The following STN1 variants were observed in gnomAD, a reference collection of about 807,000 sequenced individuals.
The protein encoded by STN1 is STN1 subunit of CST complex, also known as CST complex subunit STN1.
A neutral mutation model predicts 45.5 loss-of-function variants in STN1; 29 were observed. That is an observed-to-expected ratio of 0.64 (90% CI 0.47 to 0.87). The LOEUF (loss-of-function observed/expected upper bound fraction) is 0.87, where lower values mean the gene tolerates loss of function less well. Among genes scored for constraint, STN1 ranks in the 40% least tolerant of loss-of-function variants. The pLI, the probability that STN1 is intolerant of heterozygous loss-of-function variation, is 0.00. For missense variants in STN1, 376 were observed against 441.4 expected, an observed-to-expected ratio of 0.85 and a Z score of 1.33; for synonymous variants, 148 against 159.0, an observed-to-expected ratio of 0.93 and a Z score of 0.52.
At chr10:103,882,874 C>T (rs770642493) in intron 9 of STN1, 33 bp from the exon 10 acceptor site, 1 of 1,590,656 alleles carries the variant, frequency 6.3e-7, no homozygotes, top group Non-Finnish European at 8.6e-7. Context: ...TGAGTGTGGA[C>T]ACAACTGTCA....
chr10:103,917,558 G>T lies in STN1; in HGVS notation c.37C>A (p.Pro13Thr). The T allele has an allele frequency of 6.2e-7, 1 of 1,613,994 alleles. No individual in the cohort carries two copies. The highest frequency in any genetic ancestry group is 8.5e-7 in the Non-Finnish European group (1 of 1,179,864). Residue 13 changes from proline (P) to threonine (T), a missense_variant, in exon 2 of 10, where the codon CCT becomes ACT. Coordinates refer to ENST00000224950, the MANE Select transcript of STN1 (RefSeq NM_024928.5). ...GGATCCAAACCCCACAAGAGGGAAG[G>T]GGTCTCCTCTTCACACCGGCTGGAT... ...PGSSRCEEETPSLLWGLDPVF... is the reference protein window; with the variant it reads ...PGSSRCEEETTSLLWGLDPVF...
At chr10:103,910,427 C>A in intron 3 of STN1, 100 bp downstream of exon 3, 1 of 715,734 alleles carries the variant, frequency 1.4e-6, no homozygotes, top group Non-Finnish European at 2.5e-6. Context: ...TAGTGAGGGT[C>A]CCCAGCTACT....
At position 103,889,269 on chromosome 10, in the gene STN1, C is replaced by A. The variant is rs1843123244; in HGVS notation, c.877-125G>T. Reference sequence around the variant, plus strand: ...TTACATAATAATCATCTTCCCTACACCATTAATGTGGTGTTTGATACTTGG... The same window carrying A: ...TTACATAATAATCATCTTCCCTACAACATTAATGTGGTGTTTGATACTTGG... On this transcript the variant is annotated intron_variant, in intron 8 of 9. Coordinates refer to ENST00000224950, the MANE Select transcript of STN1 (RefSeq NM_024928.5). 3 of 640,560 alleles carry A rather than the reference C, an allele frequency of 4.7e-6. No homozygotes were observed. In the East Asian group the frequency reaches 8.7e-5, roughly 19 times the overall value. The allele number at this position is 640,560 out of a possible 1,614,324, so 39.7% of individuals were successfully genotyped here.
chr10:103,903,876 C>T (rs1226695959), intron 4 of STN1, among the ~76,000 whole-genome samples: 1 of 152,070 alleles, frequency 6.6e-6, no homozygotes, highest in African/African-American at 2.4e-5. Flanking sequence ...ACGTTGTCTC[C>T]CTTAAATCTA....
In STN1 at chr10:103,882,006, T is replaced by C. The variant is rs1843072280; in HGVS notation, c.*678A>G. ...GTATTTAGTCATGCACCTCTGTAAG[T>C]GCAGGGAAATGTACTGGGACACCTT... On this transcript the variant is annotated 3_prime_UTR_variant, in exon 10 of 10. Coordinates refer to ENST00000224950, the MANE Select transcript of STN1 (RefSeq NM_024928.5). Among the ~76,000 whole-genome samples, 1 of 152,158 alleles carries C rather than the reference T, an allele frequency of 6.6e-6. No individual in the cohort carries two copies. Among genetic ancestry groups the C allele is most frequent in the African/African-American group, 2.4e-5 (1 of 41,434 alleles).
chr10:103,900,042 T>G lies in STN1; in HGVS notation c.457+20A>C. 6 of 1,607,944 alleles carry G rather than the reference T, an allele frequency of 3.7e-6. No individual in the cohort carries two copies. Among genetic ancestry groups the G allele is most frequent in the Non-Finnish European group, 5.1e-6 (6 of 1,175,920 alleles). The stretch of plus-strand genomic sequence containing the variant: ...ACATCCAGAAAAACCACCAATTTGG[T>G]AGAAATATCTTGTGCTTACAGTAAG... On this transcript the variant is annotated intron_variant, in intron 5 of 9. Transcript: ENST00000224950.
chr10:103,880,196 G>C lies in STN1; in HGVS notation c.*2488C>G, dbSNP rs138119301. Among the ~76,000 whole-genome samples the C allele has an allele frequency of 0.019, 2,826 of 152,314 alleles. 71 individuals carry two copies. Among genetic ancestry groups the C allele is most frequent in the African/African-American group, 0.065 (2,694 of 41,558 alleles). ...ACAGTTTTCAACAGAGAGGAGACGT[G>C]GGGGTGGTCCCCCTACCCAAAGGCA... On this transcript the variant is annotated 3_prime_UTR_variant, in exon 10 of 10. Coordinates refer to ENST00000224950, the MANE Select transcript of STN1 (RefSeq NM_024928.5).
chr10:103,914,354 A>ATTTTTT, intron 2 of STN1, among the ~76,000 whole-genome samples: 1 of 19,842 alleles, frequency 5.0e-5, no homozygotes, highest in Non-Finnish European at 1.2e-4. Flanking sequence ...ATATATATAT[A>ATTTTTT]TATATATATA....
rs1564636927 is a variant in STN1, at chr10:103,918,179, GA to G, written c.-143del. On this transcript the variant is annotated 5_prime_UTR_variant, in exon 1 of 10. Transcript: ENST00000224950. The stretch of plus-strand genomic sequence containing the variant: ...GGCGCTCGGAGCCGCTGGCGGCGAC[GA>G]CCCCGCCCGGCGCAGGAGCAGTTGG... The G allele has an allele frequency of 6.6e-6, 1 of 152,448 alleles. No homozygotes were observed. 9.4% of individuals were successfully genotyped at this position (152,448 alleles called of 1,614,324 possible).
chr10:103,904,433 T>C (rs567999646), intron 4 of STN1, among the ~76,000 whole-genome samples: 36 of 150,866 alleles, frequency 2.4e-4, no homozygotes, highest in African/African-American at 8.5e-4. Flanking sequence ...CCTGGAAACA[T>C]AGTGAGAACC....
rs1368778508 is a variant in STN1 at position 103,881,036 on chromosome 10, T to G, written c.*1648A>C. Reference sequence around the variant, plus strand: ...ATCTATAACTCTATCTACTTCCCACTAAATCTACTAGGGACAGTGTGCCAT... The same window carrying G: ...ATCTATAACTCTATCTACTTCCCACGAAATCTACTAGGGACAGTGTGCCAT... On this transcript the variant is annotated 3_prime_UTR_variant, in exon 10 of 10. Transcript: ENST00000224950. 6.6e-6 allele frequency among the ~76,000 whole-genome samples: 1 copy of G among 152,214 alleles called. No homozygotes were observed. Among genetic ancestry groups the G allele is most frequent in the East Asian group, 1.9e-4 (1 of 5,204 alleles).
In STN1 at chr10:103,878,610, A is replaced by G. The variant is rs949784727; in HGVS notation, c.*4074T>C. ...AGAATGTACTGACAGTGGAAGAGTG[A>G]GCACTTGCTAATTATAAAAATGCCA... On this transcript the variant is annotated 3_prime_UTR_variant, in exon 10 of 10. Coordinates refer to ENST00000224950, the MANE Select transcript of STN1 (RefSeq NM_024928.5). The G allele has an allele frequency of 6.6e-6, 1 of 152,224 alleles. No homozygotes were observed. The highest frequency in any genetic ancestry group is 2.4e-5 in the African/African-American group (1 of 41,458). 9.4% of individuals were successfully genotyped at this position (152,224 alleles called of 1,614,324 possible).
intron 2 of STN1, 62 bp downstream of exon 2, chr10:103,917,400 T>C (rs1326861741): frequency 1.3e-6 from 2 of 1,545,580 alleles, no homozygotes; most frequent in African/African-American, 2.7e-5. Context: ...CCCAGCTTTC[T>C]GAGACTTTGG....
intron 8 of STN1, among the ~76,000 whole-genome samples, 191 bp from the exon 9 acceptor site, chr10:103,889,335 G>A (rs1156286777): frequency 4.6e-5 from 7 of 152,112 alleles, no homozygotes; most frequent in Admixed American, 4.6e-4. Context: ...CACGTCCTTG[G>A]GAGTTGGTTC....
At position 103,916,256 on chromosome 10, in the gene STN1, CCT is replaced by C. The variant is rs576084071; in HGVS notation, c.133+1204_133+1205del. Among the ~76,000 whole-genome samples the C allele has an allele frequency of 8.5e-5, 13 of 152,264 alleles. No homozygotes were observed. In the East Asian group the frequency reaches 2.5e-3, roughly 29 times the overall value. ...TTTTGCCTACAGGTAGAGTTAAGCC[CCT>C]GTCATGTCCTTGGTACCTGTTTTCT... On this transcript the variant is annotated intron_variant, in intron 2 of 9. Transcript: ENST00000224950.
intron 4 of STN1, among the ~76,000 whole-genome samples, chr10:103,901,247 C>G (rs1023915264): frequency 2.0e-5 from 3 of 152,216 alleles, no homozygotes; most frequent in Admixed American, 1.3e-4. Context: ...AGAAGCTACA[C>G]AGCCAAGCAT....
chr10:103,888,010 T>A (rs969466205), intron 9 of STN1, among the ~76,000 whole-genome samples: 1 of 152,222 alleles, frequency 6.6e-6, no homozygotes, highest in Non-Finnish European at 1.5e-5. Context: ...GGCTTTTCCC[T>A]CAACTAAAGG....
intron 9 of STN1, among the ~76,000 whole-genome samples, chr10:103,888,532 C>A (rs550084957): frequency 2.5e-4 from 38 of 152,320 alleles, no homozygotes; most frequent in African/African-American, 8.2e-4. Context: ...TAAACCATGT[C>A]TTTTGCAAAT....
chr10:103,911,100 CAG>C (rs770275416), intron 2 of STN1, among the ~76,000 whole-genome samples: 3 of 145,500 alleles, frequency 2.1e-5, no homozygotes, highest in Non-Finnish European at 4.5e-5. Context: ...TAAAAAAAAA[CAG>C]TAAGTAGGTT....
Sources: allele counts gnomAD v4.1 joint callset (sites outside exome capture counted in the v4.1 genomes callset), GRCh38; gene constraint gnomAD v4.1.1; transcripts MANE v1.5; gene names NCBI Gene and HGNC (gene_info 2026-07-23, HGNC 2026-07-21).